The following NRXN3 variants were observed in gnomAD, a reference collection of about 807,000 sequenced individuals.
NRXN3 encodes the protein neurexin III.
In NRXN3, 32 loss-of-function variants were observed where a neutral mutation model predicts 137.6. The observed-to-expected ratio is 0.23, with a 90% CI of 0.18 to 0.31. NRXN3 has a LOEUF of 0.31. Among genes scored for constraint, NRXN3 ranks in the 10% least tolerant of loss-of-function variants. NRXN3 has a pLI of 1.00. For synonymous variants in NRXN3, 798 were observed against 784.5 expected, an observed-to-expected ratio of 1.02 and a Z score of -0.29; for missense variants, 1,574 against 2,062.5, an observed-to-expected ratio of 0.76 and a Z score of 4.59.
At chr14:78,528,852 G>A (rs540655868) in intron 4 of NRXN3, among the ~76,000 whole-genome samples, 1 of 152,038 alleles carries the variant, frequency 6.6e-6, no homozygotes, top group Non-Finnish European at 1.5e-5. Flanking sequence ...TAAAAATTCT[G>A]TATCTAGATT....
At chr14:79,391,845 C>T (rs1233586300) in intron 15 of NRXN3, among the ~76,000 whole-genome samples, 3 of 152,136 alleles carry the variant, frequency 2.0e-5, no homozygotes, top group Admixed American at 6.5e-5. Flanking sequence ...CATAATTCAT[C>T]CATCCAGATC....
intron 15 of NRXN3, among the ~76,000 whole-genome samples, chr14:79,437,040 TAA>T (rs2095856009): frequency 6.6e-6 from 1 of 152,146 alleles, no homozygotes; most frequent in Non-Finnish European, 1.5e-5. Context: ...CATGAATCAC[TAA>T]TCCATGGTGC....
intron 14 of NRXN3, among the ~76,000 whole-genome samples, chr14:78,984,318 C>G (rs994309827): frequency 2.0e-5 from 3 of 152,166 alleles, no homozygotes; most frequent in Non-Finnish European, 4.4e-5. Flanking sequence ...TAAAACATAA[C>G]ATTGTATCCC....
chr14:78,964,418 G>A (rs2099413671), intron 11 of NRXN3, among the ~76,000 whole-genome samples: 1 of 152,232 alleles, frequency 6.6e-6, no homozygotes, highest in Non-Finnish European at 1.5e-5. Context: ...GATGCATGCA[G>A]TAGAATGGAC....
chr14:79,170,453 T>A (rs1018303221), intron 15 of NRXN3, among the ~76,000 whole-genome samples: 2 of 152,090 alleles, frequency 1.3e-5, no homozygotes, highest in African/African-American at 4.8e-5. Flanking sequence ...GGTGCTACAG[T>A]TATGCAGAAA....
intron 17 of NRXN3, among the ~76,000 whole-genome samples, chr14:79,679,241 TACAC>T (rs979531516): frequency 6.6e-6 from 1 of 152,134 alleles, no homozygotes; most frequent in South Asian, 2.1e-4. Context: ...AATCTCTCTA[TACAC>T]ACACACCCAT....
At chr14:79,388,102 TAAAA>T (rs140057318) in intron 15 of NRXN3, among the ~76,000 whole-genome samples, 1 of 149,216 alleles carries the variant, frequency 6.7e-6, no homozygotes, top group East Asian at 2.0e-4. Context: ...TAAAGTATAA[TAAAA>T]AAAAAAGTAG....
chr14:78,783,404 G>A (rs1338958005), intron 8 of NRXN3, among the ~76,000 whole-genome samples: 1 of 152,164 alleles, frequency 6.6e-6, no homozygotes, highest in East Asian at 1.9e-4. Context: ...AGGAACTATT[G>A]TAGACTGGAA....
At chr14:79,561,746 C>T (rs1282848593) in intron 16 of NRXN3, among the ~76,000 whole-genome samples, 5 of 151,882 alleles carry the variant, frequency 3.3e-5, no homozygotes, top group East Asian at 3.9e-4. Flanking sequence ...ATGAGGAACA[C>T]GCATAATTAG....
chr14:79,427,443 AAC>A lies in NRXN3; in HGVS notation c.3263-39764_3263-39763del, dbSNP rs368389192. ...AGTCTCCTTAGCAAACACACACACA[AAC>A]ACACACACACACAAACACACACAAC... On this transcript the variant is annotated intron_variant, in intron 15 of 20. Transcript: ENST00000335750. 8.6e-3 allele frequency among the ~76,000 whole-genome samples: 1,309 copies of A among 151,622 alleles called. 11 individuals carry two copies. Among genetic ancestry groups the A allele is most frequent in the African/African-American group, 0.03 (1,232 of 41,404 alleles).
At chr14:79,020,510 C>T (rs1325103550) in intron 15 of NRXN3, among the ~76,000 whole-genome samples, 1 of 150,508 alleles carries the variant, frequency 6.6e-6, no homozygotes, top group Non-Finnish European at 1.5e-5. Flanking sequence ...GGTGATCCAC[C>T]TGCCTCTGCC....
intron 10 of NRXN3, among the ~76,000 whole-genome samples, chr14:78,914,588 A>G (rs1363043670): frequency 6.6e-6 from 1 of 152,112 alleles, no homozygotes; most frequent in Non-Finnish European, 1.5e-5. Context: ...CATTGCAAAC[A>G]GAGGAAGCAG....
intron 4 of NRXN3, among the ~76,000 whole-genome samples, chr14:78,365,900 A>G (rs1157188488): frequency 6.6e-6 from 1 of 152,212 alleles, no homozygotes; most frequent in Non-Finnish European, 1.5e-5. Flanking sequence ...AAGAGGAGCA[A>G]CCAAGAGTGG....
chr14:79,045,090 T>C (rs1299646896), intron 15 of NRXN3, among the ~76,000 whole-genome samples: 1 of 152,128 alleles, frequency 6.6e-6, no homozygotes, highest in Non-Finnish European at 1.5e-5. Context: ...CCTATGCCCA[T>C]AATGGCATAG....
intron 15 of NRXN3, among the ~76,000 whole-genome samples, chr14:79,128,814 T>C (rs1282315016): frequency 4.0e-5 from 6 of 151,884 alleles, no homozygotes; most frequent in African/African-American, 1.5e-4. Flanking sequence ...TCCTGGACTC[T>C]TTTTGGTTGG....
intron 12 of NRXN3, 48 bp from the exon 13 acceptor site, chr14:78,967,160 C>T (rs751418243): frequency 6.5e-7 from 1 of 1,543,126 alleles, no homozygotes; most frequent in South Asian, 1.2e-5. Context: ...GCCATTAAAC[C>T]ACTTCGGGGA....
intron 10 of NRXN3, among the ~76,000 whole-genome samples, chr14:78,819,598 A>G (rs2098944714): frequency 6.6e-6 from 1 of 152,182 alleles, no homozygotes; most frequent in African/African-American, 2.4e-5. Context: ...GGACCGTATT[A>G]GTTTCAGGCA....
At chr14:78,969,833 G>GTA (rs879864749) in intron 14 of NRXN3, among the ~76,000 whole-genome samples, 3 of 151,516 alleles carry the variant, frequency 2.0e-5, no homozygotes, top group Non-Finnish European at 4.4e-5. Flanking sequence ...GTGTGTGTGT[G>GTA]TGTGTGTGTG....
At chr14:79,441,378 T>C in intron 15 of NRXN3, among the ~76,000 whole-genome samples, 1 of 118,444 alleles carries the variant, frequency 8.4e-6, no homozygotes. Flanking sequence ...TTTTTTTTTT[T>C]TTTTTTTTTT....
Sources: gnomAD v4.1 joint callset for allele counts (sites outside exome capture counted in the v4.1 genomes callset) on GRCh38, gnomAD v4.1.1 for gene constraint, MANE v1.5 for transcripts, NCBI Gene and HGNC (gene_info 2026-07-23, HGNC 2026-07-21) for gene names.